Variants in JCHAIN observed in about 807,000 individuals in gnomAD.
The protein encoded by JCHAIN is joining chain of multimeric IgA and IgM.
JCHAIN carries 5 observed loss-of-function variants against 11.1 expected under a neutral mutation model. That is an observed-to-expected ratio of 0.45 (90% CI 0.24 to 0.95). JCHAIN has a LOEUF of 0.95. JCHAIN is among the 40% of genes least tolerant of loss of function. The pLI is 0.21. For synonymous variants in JCHAIN, 51 were observed against 67.8 expected, an observed-to-expected ratio of 0.75 and a Z score of 1.22; for missense variants, 165 against 192.7, an observed-to-expected ratio of 0.86 and a Z score of 0.85.
At position 70,662,226 on chromosome 4, in the gene JCHAIN, A is replaced by T; in HGVS notation, c.65-11T>A. On this transcript the variant is annotated splice_polypyrimidine_tract_variant and intron_variant, in intron 1 of 3. Transcript: ENST00000254801. Reference sequence around the variant, plus strand: ...TTTCATCTTCTTGGGCTTGAAAGGTAAACGTATTAAAAAGAAAGGAAAACA... The same window carrying T: ...TTTCATCTTCTTGGGCTTGAAAGGTTAACGTATTAAAAAGAAAGGAAAACA... 1.2e-6 allele frequency: 2 copies of T among 1,607,754 alleles called. No individual in the cohort carries two copies. Among genetic ancestry groups the T allele is most frequent in the African/African-American group, 2.7e-5 (2 of 74,832 alleles).
intron 2 of JCHAIN, among the ~76,000 whole-genome samples, chr4:70,660,635 C>T (rs1577979161): frequency 6.6e-6 from 1 of 152,102 alleles, no homozygotes; most frequent in Non-Finnish European, 1.5e-5. Context: ...CCACCCGCCT[C>T]GGCCTCCCAA....
intron 2 of JCHAIN, among the ~76,000 whole-genome samples, chr4:70,660,152 A>G (rs965477993): frequency 2.0e-5 from 3 of 152,124 alleles, no homozygotes; most frequent in Admixed American, 6.6e-5. Context: ...ATTCTTTCCA[A>G]TTACCCACTA....
chr4:70,662,703 G>C (rs1289002954), intron 1 of JCHAIN, among the ~76,000 whole-genome samples: 1 of 152,130 alleles, frequency 6.6e-6, no homozygotes, highest in Non-Finnish European at 1.5e-5. Context: ...GCTCATGCCT[G>C]TAATCCCAGG....
intron 2 of JCHAIN, among the ~76,000 whole-genome samples, chr4:70,659,877 T>TAAG (rs1416912110): frequency 6.6e-6 from 1 of 151,672 alleles, no homozygotes; most frequent in East Asian, 1.9e-4. Flanking sequence ...AAAATAATGA[T>TAAG]AAGAATAATA....
chr4:70,665,021 C>A (rs938140406), intron 1 of JCHAIN, among the ~76,000 whole-genome samples: 8 of 152,114 alleles, frequency 5.3e-5, no homozygotes, highest in African/African-American at 1.9e-4. Flanking sequence ...AGGGACTGTG[C>A]CTTACTTTAT....
At chr4:70,660,292 G>A (rs1362999966) in intron 2 of JCHAIN, among the ~76,000 whole-genome samples, 1 of 152,142 alleles carries the variant, frequency 6.6e-6, no homozygotes, top group Non-Finnish European at 1.5e-5. Context: ...GCTAAGAGGG[G>A]TGGGACAGAG....
chr4:70,658,451 AC>A (rs1296789298), intron 2 of JCHAIN, among the ~76,000 whole-genome samples: 2 of 152,172 alleles, frequency 1.3e-5, no homozygotes, highest in East Asian at 1.9e-4. Flanking sequence ...TCACAATGTC[AC>A]CATCTACAAT....
At chr4:70,661,754 G>A (rs1170061655) in intron 2 of JCHAIN, among the ~76,000 whole-genome samples, 2 of 152,168 alleles carry the variant, frequency 1.3e-5, no homozygotes, top group Non-Finnish European at 1.5e-5. Context: ...ACTCTAGCCT[G>A]GGTGACAGAG....
At chr4:70,660,746 T>C (rs1254017846) in intron 2 of JCHAIN, among the ~76,000 whole-genome samples, 1 of 152,058 alleles carries the variant, frequency 6.6e-6, no homozygotes. Flanking sequence ...ATCTTGAGAG[T>C]TATGCTAAGC....
At chr4:70,662,731 C>T (rs1055462177) in intron 1 of JCHAIN, among the ~76,000 whole-genome samples, 3 of 152,008 alleles carry the variant, frequency 2.0e-5, no homozygotes, top group Non-Finnish European at 1.5e-5. Flanking sequence ...GAGGCCGAGG[C>T]GGGCAGATCA....
intron 1 of JCHAIN, chr4:70,663,366 A>AT (rs112374791): frequency 1.5e-4 from 22 of 149,352 alleles, no homozygotes; most frequent in East Asian, 4.0e-4. Context: ...AGATCTTTGT[A>AT]TTTTTTTTTA....
rs12331718 is a variant in JCHAIN at position 70,656,254 on chromosome 4, T to C, written c.*75A>G. ...GCCCTGGTTTCAAATTCATTGGTAA[T>C]AAATATGCTAACTTTCTGAATCAAA... On this transcript the variant is annotated 3_prime_UTR_variant, in exon 4 of 4. Transcript: ENST00000254801. 0.015 allele frequency: 15,111 copies of C among 1,019,644 alleles called. 1,455 individuals carry two copies. In the African/African-American group the frequency reaches 0.21, roughly 14 times the overall value. 63.2% of individuals were successfully genotyped at this position (1,019,644 alleles called of 1,614,324 possible).
intron 1 of JCHAIN, among the ~76,000 whole-genome samples, chr4:70,663,943 T>C (rs368400362): frequency 7.9e-5 from 12 of 151,402 alleles, no homozygotes; most frequent in African/African-American, 2.9e-4. Flanking sequence ...ATAACAATGA[T>C]GTTGGCCGGG....
intron 3 of JCHAIN, among the ~76,000 whole-genome samples, 164 bp downstream of exon 3, chr4:70,657,047 G>T (rs1442705718): frequency 1.3e-5 from 2 of 152,086 alleles, no homozygotes; most frequent in South Asian, 2.1e-4. Flanking sequence ...ATGAATTTAT[G>T]ATACCTAATA....
intron 1 of JCHAIN, among the ~76,000 whole-genome samples, chr4:70,662,784 C>T (rs558867278): frequency 3.4e-4 from 51 of 152,048 alleles, no homozygotes; most frequent in Middle Eastern, 3.4e-3. Flanking sequence ...CATAGTGAAA[C>T]CCCATCTCTA....
At position 70,656,084 on chromosome 4, in the gene JCHAIN, G is replaced by A. The variant is rs1230612831; in HGVS notation, c.*245C>T. The A allele has an allele frequency of 4.4e-6, 2 of 449,986 alleles. No individual in the cohort carries two copies. The highest frequency in any genetic ancestry group is 2.0e-5 in the African/African-American group (1 of 50,258). The allele number at this position is 449,986 out of a possible 1,614,324, so 27.9% of individuals were successfully genotyped here. ...TTCCTAAGAGAGCATACCTCTTTCA[G>A]GTGAGCATGATAATTGGAAGATTTT... On this transcript the variant is annotated 3_prime_UTR_variant, in exon 4 of 4. Coordinates refer to ENST00000254801, the MANE Select transcript of JCHAIN (RefSeq NM_144646.4).
Position 70,656,306 on chromosome 4 carries a change from T to G in JCHAIN, c.*23A>C. On this transcript the variant is annotated 3_prime_UTR_variant, in exon 4 of 4. Coordinates refer to ENST00000254801, the MANE Select transcript of JCHAIN (RefSeq NM_144646.4). Reference sequence around the variant, plus strand: ...TGGAGAGCCTCTCAAGAAAAAGAGCTATGCAGTCAGCAATGACTTAAATTA... The same window carrying G: ...TGGAGAGCCTCTCAAGAAAAAGAGCGATGCAGTCAGCAATGACTTAAATTA... 1 of 1,510,506 alleles carries G rather than the reference T, an allele frequency of 6.6e-7. No homozygotes were observed. Among genetic ancestry groups the G allele is most frequent in the Non-Finnish European group, 9.2e-7 (1 of 1,085,968 alleles). The allele number at this position is 1,510,506 out of a possible 1,614,324, so 93.6% of individuals were successfully genotyped here.
At chr4:70,661,273 G>A (rs1739054850) in intron 2 of JCHAIN, among the ~76,000 whole-genome samples, 1 of 152,184 alleles carries the variant, frequency 6.6e-6, no homozygotes, top group Non-Finnish European at 1.5e-5. Context: ...GAGCTGTATA[G>A]CATATAACTC....
In JCHAIN at chr4:70,662,265, A is replaced by G. The variant is rs764832814; in HGVS notation, c.65-50T>C. On this transcript the variant is annotated intron_variant, in intron 1 of 3. Coordinates refer to ENST00000254801, the MANE Select transcript of JCHAIN (RefSeq NM_144646.4). Reference sequence around the variant, plus strand: ...GAAAGGAAAACAAAGGTCAATTTATATATTTTGTATTGAGTTATTTTATCT... The same window carrying G: ...GAAAGGAAAACAAAGGTCAATTTATGTATTTTGTATTGAGTTATTTTATCT... The G allele has an allele frequency of 4.6e-6, 7 of 1,516,008 alleles. No individual in the cohort carries two copies. In the South Asian group the frequency reaches 8.2e-5, roughly 18 times the overall value. The allele number at this position is 1,516,008 out of a possible 1,614,324, so 93.9% of individuals were successfully genotyped here. A position where few individuals can be genotyped will look rare whatever the true frequency, so the allele number is the denominator to read the frequency against.
Sources: allele counts gnomAD v4.1 joint callset (sites outside exome capture counted in the v4.1 genomes callset), GRCh38; gene constraint gnomAD v4.1.1; transcripts MANE v1.5; gene names NCBI Gene and HGNC (gene_info 2026-07-23, HGNC 2026-07-21).